Variants in ACOT7 observed in about 807,000 individuals in gnomAD.
ACOT7 encodes cytosolic acyl coenzyme A thioester hydrolase.
In ACOT7, 12 loss-of-function variants were observed where a neutral mutation model predicts 40.2. That is an observed-to-expected ratio of 0.30 (90% CI 0.19 to 0.48). The LOEUF (loss-of-function observed/expected upper bound fraction) is 0.48. Among genes scored for constraint, ACOT7 ranks in the 20% least tolerant of loss-of-function variants. The pLI is 0.99. For synonymous variants in ACOT7, 228 were observed against 219.5 expected (o/e 1.04, Z -0.34); for missense variants, 395 against 530.8 (o/e 0.74, Z 2.51).
chr1:6,309,303 G>A (rs1004892102), intron 6 of ACOT7, among the ~76,000 whole-genome samples: 1 of 152,176 alleles, frequency 6.6e-6, no homozygotes, highest in African/African-American at 2.4e-5. Context: ...CAGGTTCTGT[G>A]TTGGTAAAGA....
At chr1:6,315,699 C>T (rs1378440011) in intron 6 of ACOT7, among the ~76,000 whole-genome samples, 1 of 140,724 alleles carries the variant, frequency 7.1e-6, no homozygotes, top group African/African-American at 2.7e-5. Context: ...TGCAGTGAGC[C>T]GAGATCACGC....
chr1:6,330,842 G>A lies in ACOT7; in HGVS notation c.510+2635C>T, dbSNP rs1041853961. On this transcript the variant is annotated intron_variant, in intron 4 of 8. Coordinates refer to ENST00000361521, the MANE Select transcript of ACOT7 (RefSeq NM_007274.4). The surrounding 1 kb of genome is among the most constrained non-coding windows in gnomAD (Gnocchi z 4.6). ...CCAGGCCCGCCCCTCGGTATCACCC[G>A]CCTGAGATGCACCATCAGATGCTGA... 6.6e-6 allele frequency among the ~76,000 whole-genome samples: 1 copy of A among 152,186 alleles called. No homozygotes were observed. Among genetic ancestry groups the A allele is most frequent in the African/African-American group, 2.4e-5 (1 of 41,450 alleles).
At position 6,299,411 on chromosome 1, in the gene ACOT7, A is replaced by T. The variant is rs1355462602; in HGVS notation, c.713-4431T>A. Among the ~76,000 whole-genome samples, 1 of 152,228 alleles carries T rather than the reference A, an allele frequency of 6.6e-6. No individual in the cohort carries two copies. Among genetic ancestry groups the T allele is most frequent in the Non-Finnish European group, 1.5e-5 (1 of 68,036 alleles). On this transcript the variant is annotated intron_variant, in intron 6 of 8. Transcript: ENST00000361521. The surrounding 1 kb of genome is among the most constrained non-coding windows in gnomAD (Gnocchi z 4.1). ...AGAACACCAGGTAACATGCTGGCTG[A>T]GAACCCCACACACTTGGCTCAGGTG...
chr1:6,362,801 G>C (rs552780022), intron 1 of ACOT7, among the ~76,000 whole-genome samples: 21 of 152,250 alleles, frequency 1.4e-4, no homozygotes, highest in African/African-American at 4.8e-4. Flanking sequence ...TGTAATCCCA[G>C]CACTTTGGGA....
At position 6,306,935 on chromosome 1, in the gene ACOT7, A is replaced by T. The variant is rs1366171009; in HGVS notation, c.712+11557T>A. On this transcript the variant is annotated intron_variant, in intron 6 of 8. Transcript: ENST00000361521. This position sits in a 1 kb window ranked among gnomAD's most constrained non-coding sequence, Gnocchi z 4.3. ...CAACTGCCCCAAGAAGACCAAGTGA[A>T]CAAGAGCGTCTTGGTGGAGGCCTCA... The T allele has an allele frequency of 7.8e-7, 1 of 1,288,264 alleles. No individual in the cohort carries two copies. Among genetic ancestry groups the T allele is most frequent in the Non-Finnish European group, 1.0e-6 (1 of 988,076 alleles). The allele number at this position is 1,288,264 out of a possible 1,614,324, so 79.8% of individuals were successfully genotyped here.
At chr1:6,341,326 A>G (rs1051289019) in intron 2 of ACOT7, among the ~76,000 whole-genome samples, 8 of 151,840 alleles carry the variant, frequency 5.3e-5, no homozygotes, top group African/African-American at 9.7e-5. Context: ...ATTTTTAGTA[A>G]AGACGGGGTT....
intron 1 of ACOT7, among the ~76,000 whole-genome samples, chr1:6,366,066 T>C (rs1642004129): frequency 6.6e-6 from 1 of 151,892 alleles, no homozygotes; most frequent in Non-Finnish European, 1.5e-5. Flanking sequence ...AGCTAATTTT[T>C]TGTATTTTTA....
intron 3 of ACOT7, among the ~76,000 whole-genome samples, chr1:6,335,908 G>A (rs1641088404): frequency 1.3e-5 from 2 of 152,226 alleles, no homozygotes; most frequent in African/African-American, 2.4e-5. Context: ...GATTCAGCTA[G>A]AGCCAGCCTG....
intron 1 of ACOT7, among the ~76,000 whole-genome samples, chr1:6,368,432 G>A (rs980421279): frequency 1.3e-5 from 2 of 152,122 alleles, no homozygotes; most frequent in South Asian, 2.1e-4. Flanking sequence ...CCCAAGCTCT[G>A]CATCCCAGGC....
intron 7 of ACOT7, among the ~76,000 whole-genome samples, chr1:6,284,698 C>T (rs1246393922): frequency 6.6e-6 from 1 of 152,102 alleles, no homozygotes; most frequent in Non-Finnish European, 1.5e-5. Flanking sequence ...ACATAGAGGC[C>T]CCCCTGCAGC....
chr1:6,333,574 G>A lies in ACOT7; in HGVS notation c.419-6C>T. ...ATTGGTCAGCTTTTTGGCACCTTAAGAGAAGAAAATCACATTAAGTGACGC... is the reference window on the plus strand; with the variant it reads ...ATTGGTCAGCTTTTTGGCACCTTAAAAGAAGAAAATCACATTAAGTGACGC... On this transcript the variant is annotated splice_polypyrimidine_tract_variant and splice_region_variant and intron_variant, in intron 3 of 8. Transcript: ENST00000361521. 1 of 1,614,106 alleles carries A rather than the reference G, an allele frequency of 6.2e-7. No individual in the cohort carries two copies.
At chr1:6,331,163 G>T (rs965807408) in intron 4 of ACOT7, among the ~76,000 whole-genome samples, 3 of 152,214 alleles carry the variant, frequency 2.0e-5, no homozygotes, top group African/African-American at 7.2e-5. Context: ...AAGAACAAGA[G>T]ACGGGAGAGG....
chr1:6,333,635 C>G, intron 3 of ACOT7, 67 bp from the exon 4 acceptor site: 1 of 1,518,936 alleles, frequency 6.6e-7, no homozygotes, highest in Non-Finnish European at 9.1e-7. Flanking sequence ...CGTCCAGGCA[C>G]GTGGCAGGTG....
At chr1:6,342,394 C>T (rs922725588) in intron 2 of ACOT7, among the ~76,000 whole-genome samples, 2 of 152,184 alleles carry the variant, frequency 1.3e-5, no homozygotes, top group Non-Finnish European at 2.9e-5. Context: ...CAGACGGTGG[C>T]TGTGTCTGAA....
rs144985748 is a variant in ACOT7, at chr1:6,299,150, C to G, written c.713-4170G>C. 2.0e-5 allele frequency among the ~76,000 whole-genome samples: 3 copies of G among 152,230 alleles called. No individual in the cohort carries two copies. The highest frequency in any genetic ancestry group is 4.4e-5 in the Non-Finnish European group (3 of 68,038). ...GGTGACCTTGGGCAGGCAGGTTGCCCTCCCTGAGCCGTGGGCTCAGTGTCT... is the reference window on the plus strand; with the variant it reads ...GGTGACCTTGGGCAGGCAGGTTGCCGTCCCTGAGCCGTGGGCTCAGTGTCT... On this transcript the variant is annotated intron_variant, in intron 6 of 8. Coordinates refer to ENST00000361521, the MANE Select transcript of ACOT7 (RefSeq NM_007274.4). The surrounding 1 kb of genome is among the most constrained non-coding windows in gnomAD (Gnocchi z 4.1).
At chr1:6,340,348 G>A (rs1236310243) in intron 2 of ACOT7, among the ~76,000 whole-genome samples, 4 of 152,220 alleles carry the variant, frequency 2.6e-5, no homozygotes, top group African/African-American at 4.8e-5. Flanking sequence ...TGCTGCAGGC[G>A]ATTCCCCAAG....
chr1:6,328,762 G>A (rs537630701), intron 4 of ACOT7, among the ~76,000 whole-genome samples: 4 of 152,230 alleles, frequency 2.6e-5, no homozygotes, highest in Non-Finnish European at 5.9e-5. Context: ...ACAGCAGGGG[G>A]ATACTGCATT....
intron 8 of ACOT7, among the ~76,000 whole-genome samples, chr1:6,279,048 T>C (rs987739139): frequency 1.3e-5 from 2 of 152,096 alleles, no homozygotes; most frequent in African/African-American, 2.4e-5. Context: ...AAAAGCGTCA[T>C]GGGAGGGGCG....
intron 1 of ACOT7, chr1:6,385,548 T>C (rs1642422481): frequency 1.2e-6 from 2 of 1,612,160 alleles, no homozygotes; most frequent in Admixed American, 1.7e-5. Context: ...CCCAACCACC[T>C]GGACGGGAGC....
Sources: gnomAD v4.1 joint callset for allele counts (sites outside exome capture counted in the v4.1 genomes callset) on GRCh38, gnomAD v4.1.1 for gene constraint, Gnocchi (gnomAD v3.1) non-coding constraint, MANE v1.5 for transcripts, NCBI Gene and HGNC (gene_info 2026-07-23, HGNC 2026-07-21) for gene names.